TKTL1: variants seen among roughly 807,000 people sequenced by gnomAD.
TKTL1 encodes transketolase like 1, also known as transketolase-like protein 1.
Under a neutral mutation model 39.3 loss-of-function variants are expected in TKTL1, and 1 was observed. That is an observed-to-expected ratio of 0.03 (90% CI 0.01 to 0.12). The LOEUF is 0.12. Among genes scored for constraint, TKTL1 ranks in the 10% least tolerant of loss-of-function variants. The probability of loss-of-function intolerance (pLI) is 1.00; values close to 1 mark genes in which losing one functional copy is unlikely to be tolerated. For missense variants in TKTL1, 575 were observed against 509.6 expected (o/e 1.13, Z -1.24); for synonymous variants, 262 against 193.8 (o/e 1.35, Z -2.92).
At position 154,296,157 on chromosome X, in the gene TKTL1, G is replaced by A. The variant is rs142702619; in HGVS notation, c.134+164G>A. Among the ~76,000 whole-genome samples the A allele has an allele frequency of 4.5e-3, 504 of 111,471 alleles. 5 individuals carry two copies. The highest frequency in any genetic ancestry group is 0.015 in the African/African-American group (467 of 30,703). On this transcript the variant is annotated intron_variant, in intron 1 of 12. Transcript: ENST00000369915. ...TGTTGGGGCCCGGTCGAGCACCCTAGATGGCAGCGAGGCACTATTCCCGCC... is the reference window on the plus strand; with the variant it reads ...TGTTGGGGCCCGGTCGAGCACCCTAAATGGCAGCGAGGCACTATTCCCGCC...
At chrX:154,302,497 T>C (rs1407902716) in intron 1 of TKTL1, among the ~76,000 whole-genome samples, 1 of 110,867 alleles carries the variant, frequency 9.0e-6, no homozygotes, top group African/African-American at 3.3e-5. Context: ...CCCCGTATCC[T>C]CACATGGTCG....
At chrX:154,297,489 C>G (rs913847969) in intron 1 of TKTL1, among the ~76,000 whole-genome samples, 1 of 111,182 alleles carries the variant, frequency 9.0e-6, no homozygotes, top group Non-Finnish European at 1.9e-5. Context: ...ATCTCCTGAC[C>G]TCGTGATCCG....
chrX:154,328,982 C>A (rs1280501421), intron 12 of TKTL1, among the ~76,000 whole-genome samples: 1 of 112,450 alleles, frequency 8.9e-6, no homozygotes, highest in African/African-American at 3.2e-5. Flanking sequence ...CTAAGGGATG[C>A]CTGCTAGAGA....
At chrX:154,320,090 A>G (rs1165799967) in intron 7 of TKTL1, among the ~76,000 whole-genome samples, 1 of 112,441 alleles carries the variant, frequency 8.9e-6, no homozygotes, top group Admixed American at 9.4e-5. Context: ...CCACTGCCAC[A>G]CTGCAGAAAC....
Position 154,307,911 on chromosome X carries a change from C to T in TKTL1, c.253-1434C>T, listed in dbSNP as rs141985218. ...GAAATGCAGAACCAAAAGGGAGTCT[C>T]TGGGGGGCACAAAGCATGCAGAGAA... On this transcript the variant is annotated intron_variant, in intron 2 of 12. Coordinates refer to ENST00000369915, the MANE Select transcript of TKTL1 (RefSeq NM_012253.4). 2.8e-4 allele frequency among the ~76,000 whole-genome samples: 31 copies of T among 111,582 alleles called. 1 individual carries two copies. The East Asian group carries it at 8.1e-3, about 29-fold the overall frequency.
At position 154,313,079 on chromosome X, in the gene TKTL1, C is replaced by T. The variant is rs782584601; in HGVS notation, c.864+306C>T. Among the ~76,000 whole-genome samples the T allele has an allele frequency of 9.8e-5, 11 of 112,120 alleles. No individual in the cohort carries two copies. In the South Asian group the frequency reaches 4.1e-3, roughly 41 times the overall value. The stretch of plus-strand genomic sequence containing the variant: ...TGCACCCAGTAGGTACTTGATCTTT[C>T]ACCACTCCTGGCTCCCCTTCTCTTT... On this transcript the variant is annotated intron_variant, in intron 6 of 12. Transcript: ENST00000369915.
Position 154,295,853 on chromosome X carries a change from T to G in TKTL1, c.-7T>G. ...GTGGGTCTTCAGACTCCAAAGGGGTTGGACTAATGGCGGATGCTGAGGCGA... is the reference window on the plus strand; with the variant it reads ...GTGGGTCTTCAGACTCCAAAGGGGTGGGACTAATGGCGGATGCTGAGGCGA... On this transcript the variant is annotated 5_prime_UTR_variant, in exon 1 of 13. Coordinates refer to ENST00000369915, the MANE Select transcript of TKTL1 (RefSeq NM_012253.4). 8.3e-7 allele frequency: 1 copy of G among 1,210,247 alleles called. No individual in the cohort carries two copies. The highest frequency in any genetic ancestry group is 1.7e-5 in the African/African-American group (1 of 57,724).
chrX:154,312,487 A>T, intron 5 of TKTL1, 93 bp from the exon 6 acceptor site: 1 of 913,820 alleles, frequency 1.1e-6, no homozygotes, highest in Non-Finnish European at 1.5e-6. Flanking sequence ...TCCTAGGGTG[A>T]CATCTTTTTC....
At chrX:154,316,316 C>T (rs891169536) in intron 7 of TKTL1, among the ~76,000 whole-genome samples, 5 of 111,029 alleles carry the variant, frequency 4.5e-5, no homozygotes, top group African/African-American at 1.6e-4. Context: ...GTGATCCGTC[C>T]GCCTCGGCCT....
chrX:154,329,328 G>A (rs1340435126), intron 12 of TKTL1, among the ~76,000 whole-genome samples, 188 bp from the exon 13 acceptor site: 1 of 112,096 alleles, frequency 8.9e-6, no homozygotes, highest in Non-Finnish European at 1.9e-5. Context: ...AGCCCTTACT[G>A]TAGGTTGAGG....
At chrX:154,325,290 G>A (rs781840319) in intron 9 of TKTL1, 49 bp from the exon 10 acceptor site, 3 of 1,120,877 alleles carry the variant, frequency 2.7e-6, no homozygotes, top group African/African-American at 3.6e-5. Flanking sequence ...GTCTGTTGTT[G>A]GAAATTCATT....
chrX:154,311,497 G>A (rs2067357278), intron 5 of TKTL1, among the ~76,000 whole-genome samples: 1 of 111,875 alleles, frequency 8.9e-6, no homozygotes, highest in Admixed American at 9.5e-5. Context: ...ACAGCCCATC[G>A]GAGGACTGAC....
Position 154,312,194 on chromosome X carries a change from C to T in TKTL1, c.671-386C>T, listed in dbSNP as rs1300027204. The stretch of plus-strand genomic sequence containing the variant: ...CTACCTGTCTCTCCAGCCTTATTCT[C>T]ATTCTCCCTTCCACTCACCAGTGGC... On this transcript the variant is annotated intron_variant, in intron 5 of 12. Coordinates refer to ENST00000369915, the MANE Select transcript of TKTL1 (RefSeq NM_012253.4). Among the ~76,000 whole-genome samples the T allele has an allele frequency of 5.3e-5, 6 of 112,487 alleles. 1 individual carries two copies. Among genetic ancestry groups the T allele is most frequent in the Admixed American group, 4.7e-4 (5 of 10,594 alleles).
chrX:154,299,657 A>G lies in TKTL1; in HGVS notation c.134+3664A>G, dbSNP rs189044124. Among the ~76,000 whole-genome samples, 7 of 110,425 alleles carry G rather than the reference A, an allele frequency of 6.3e-5. No individual in the cohort carries two copies. In the East Asian group the frequency reaches 2.0e-3, roughly 31 times the overall value. ...TCTCCTCCCCAAAGTCCGTTATATC[A>G]CTCCAAAACTTAGCTCCACTTACAA... On this transcript the variant is annotated intron_variant, in intron 1 of 12. Transcript: ENST00000369915.
Position 154,299,413 on chromosome X carries a change from C to A in TKTL1, c.134+3420C>A, listed in dbSNP as rs1603350787. ...CAGGTGATCCGCCCACCTCGGCTTC[C>A]CAAAGTGCTGGGATTACAGGCATGA... is the stretch of plus-strand genomic sequence containing the variant. On this transcript the variant is annotated intron_variant, in intron 1 of 12. Transcript: ENST00000369915. Among the ~76,000 whole-genome samples the A allele has an allele frequency of 3.6e-5, 4 of 110,459 alleles. No homozygotes were observed. In the Admixed American group the frequency reaches 3.9e-4, roughly 11 times the overall value.
chrX:154,301,085 C>T (rs139999867), intron 1 of TKTL1, among the ~76,000 whole-genome samples: 6,165 of 111,391 alleles, frequency 0.055, 429 homozygotes, highest in African/African-American at 0.19. Flanking sequence ...TTATTTATTT[C>T]GCCATTGGCT....
At chrX:154,308,457 TCGGAAGACCTTAGAAAGTTGAG>T (rs1262041953) in intron 2 of TKTL1, among the ~76,000 whole-genome samples, 1 of 110,310 alleles carries the variant, frequency 9.1e-6, no homozygotes, top group Non-Finnish European at 1.9e-5. Context: ...TGGTGGGAGG[TCGGAAGACCTTAGAAAGTTGAG>T]CGATGTGATC....
chrX:154,311,362 G>A, intron 5 of TKTL1, 124 bp downstream of exon 5: 1 of 977,412 alleles, frequency 1.0e-6, no homozygotes, highest in Non-Finnish European at 1.4e-6. Context: ...GTTCTGCCTG[G>A]AGTATATGTT....
Position 154,329,891 on chromosome X carries a change from G to A in TKTL1, c.*203G>A. 6 of 391,208 alleles carry A rather than the reference G, an allele frequency of 1.5e-5. No individual in the cohort carries two copies. Among genetic ancestry groups the A allele is most frequent in the East Asian group, 4.2e-5 (1 of 23,567 alleles). The allele number at this position is 391,208 out of a possible 1,213,427, so 32.2% of individuals were successfully genotyped here. ...ATATGCAAGTACCGCTCTAATTTTT[G>A]GATCATTAAAGGGAGTTACACAACT... On this transcript the variant is annotated 3_prime_UTR_variant, in exon 13 of 13. Transcript: ENST00000369915.
Sources: gnomAD v4.1 joint callset for allele counts (sites outside exome capture counted in the v4.1 genomes callset) on GRCh38, gnomAD v4.1.1 for gene constraint, MANE v1.5 for transcripts, NCBI Gene and HGNC (gene_info 2026-07-23, HGNC 2026-07-21) for gene names.